Variants in SLC22A13 observed in about 807,000 individuals in gnomAD.
SLC22A13 encodes organic anion transporter 10.
In SLC22A13, 42 loss-of-function variants were observed where a neutral mutation model predicts 49.1. The observed-to-expected ratio is 0.85, with a 90% confidence interval of 0.67 to 1.11. SLC22A13 has a LOEUF of 1.11. SLC22A13 is among the 50% of genes least tolerant of loss of function. The probability of loss-of-function intolerance (pLI) is 0.00; values close to 1 mark genes in which losing one functional copy is unlikely to be tolerated. For synonymous variants in SLC22A13, 282 were observed against 293.1 expected (o/e 0.96, Z 0.39); for missense variants, 694 against 712.8 (o/e 0.97, Z 0.30).
chr3:38,270,007 A>G (rs545038457), intron 1 of SLC22A13, among the ~76,000 whole-genome samples: 18 of 151,962 alleles, frequency 1.2e-4, no homozygotes, highest in South Asian at 4.2e-4. Flanking sequence ...TGAGAATGAT[A>G]ATTTCCAATT....
At chr3:38,266,905 C>A (rs1403673391) in intron 1 of SLC22A13, among the ~76,000 whole-genome samples, 1 of 152,168 alleles carries the variant, frequency 6.6e-6, no homozygotes, top group Non-Finnish European at 1.5e-5. Context: ...GCATCCAGTC[C>A]CACTCTGTTG....
Position 38,265,972 on chromosome 3 carries a change from G to T in SLC22A13, c.112G>T (p.Ala38Ser), listed in dbSNP as rs758859366. The T allele has an allele frequency of 6.2e-7, 1 of 1,613,826 alleles. No individual in the cohort carries two copies. The highest frequency in any genetic ancestry group is 1.7e-5 in the Admixed American group (1 of 59,982). Residue 38 changes from alanine (A) to serine (S), a missense_variant, in exon 1 of 10, where the codon GCC (alanine) becomes TCC (serine). Physicochemically the swap from Ala to Ser is moderately conservative, Grantham distance 99. Coordinates refer to ENST00000311856, the MANE Select transcript of SLC22A13 (RefSeq NM_004256.4). ...LNFLSPFYFF[A>S]HVFMVLDEPH... ...CTTCCTGTCTCCCTTCTACTTTTTTGCCCATGTCTTCATGGTCCTAGATGA... is the reference window on the plus strand; with the variant it reads ...CTTCCTGTCTCCCTTCTACTTTTTTTCCCATGTCTTCATGGTCCTAGATGA...
chr3:38,274,195 G>T (rs1703550031), intron 1 of SLC22A13, 77 bp from the exon 2 acceptor site: 1 of 1,083,440 alleles, frequency 9.2e-7, no homozygotes, highest in Non-Finnish European at 1.4e-6. Context: ...GCCCTGAAGG[G>T]TTTGTAGTGG....
At chr3:38,275,303 A>G in intron 4 of SLC22A13, 67 bp from the exon 5 acceptor site, 6 of 1,606,006 alleles carry the variant, frequency 3.7e-6, no homozygotes, top group South Asian at 1.1e-5. Flanking sequence ...TTCAGTTTGC[A>G]CTGGAACAAG....
chr3:38,276,883 CT>C (rs748331325), intron 8 of SLC22A13, 28 bp from the exon 9 acceptor site: 148 of 1,600,310 alleles, frequency 9.2e-5, no homozygotes, highest in Non-Finnish European at 1.2e-4. Context: ...GGGCCCAGGT[CT>C]ACTTAGCTTG....
rs528880884 is a variant in SLC22A13 at position 38,275,934 on chromosome 3, G to A, written c.1075G>A (p.Gly359Ser). Residue 359 changes from glycine (G) to serine (S), a missense_variant, in exon 7 of 10, where the codon GGC (glycine) becomes AGC (serine). Physicochemically the swap from Gly to Ser is moderately conservative, Grantham distance 56 (BLOSUM62 0). Coordinates refer to ENST00000311856, the MANE Select transcript of SLC22A13 (RefSeq NM_004256.4). ...YGLSLQVGDF[G>S]LDVYLTQLIF... Reference sequence around the variant, plus strand: ...CCTGAGCCTCCAAGTGGGGGACTTCGGCCTGGACGTCTATCTGACGCAGCT... The same window carrying A: ...CCTGAGCCTCCAAGTGGGGGACTTCAGCCTGGACGTCTATCTGACGCAGCT... 1.6e-5 allele frequency: 26 copies of A among 1,614,204 alleles called. No homozygotes were observed. Among genetic ancestry groups the A allele is most frequent in the Middle Eastern group, 1.7e-4 (1 of 6,060 alleles).
In SLC22A13 at chr3:38,277,725, T is replaced by C. The variant is rs1703604181; in HGVS notation, c.*260T>C. On this transcript the variant is annotated 3_prime_UTR_variant, in exon 10 of 10. Transcript: ENST00000311856. ...CCAATACTCTGTCTGGGTTAGGATCTTGGGTATGTCTTGGAATTAACTTGT... is the reference window on the plus strand; with the variant it reads ...CCAATACTCTGTCTGGGTTAGGATCCTGGGTATGTCTTGGAATTAACTTGT... 5.4e-6 allele frequency: 2 copies of C among 369,456 alleles called. No homozygotes were observed. Among genetic ancestry groups the C allele is most frequent in the Non-Finnish European group, 4.9e-6 (1 of 202,822 alleles). 22.9% of individuals were successfully genotyped at this position (369,456 alleles called of 1,614,324 possible).
At chr3:38,273,269 A>G (rs553319327) in intron 1 of SLC22A13, among the ~76,000 whole-genome samples, 1 of 152,160 alleles carries the variant, frequency 6.6e-6, no homozygotes, top group South Asian at 2.1e-4. Flanking sequence ...ATGGACCCAA[A>G]TATCTTCTCC....
In SLC22A13 at chr3:38,274,912, C is replaced by T. The variant is rs1304563589; in HGVS notation, c.638-77C>T. ...CCTGTGTTGGCACTGAGGCCCAGCC[C>T]CCACAGGGTGGCATCTAGGAGTAAT... On this transcript the variant is annotated intron_variant, in intron 3 of 9. Transcript: ENST00000311856. The T allele has an allele frequency of 2.5e-6, 4 of 1,577,038 alleles. No homozygotes were observed. In the African/African-American group the frequency reaches 4.0e-5, roughly 16 times the overall value.
At chr3:38,267,846 A>G (rs1703479625) in intron 1 of SLC22A13, among the ~76,000 whole-genome samples, 1 of 152,258 alleles carries the variant, frequency 6.6e-6, no homozygotes, top group South Asian at 2.1e-4. Context: ...AAATGTTGCT[A>G]GAGAAGAGGG....
chr3:38,274,743 A>T lies in SLC22A13; in HGVS notation c.622A>T (p.Ser208Cys), dbSNP rs1263804508. Reference protein sequence around the residue: ...VATAVAGLSFSNVTLLTEWVG... With the variant: ...VATAVAGLSFCNVTLLTEWVG... ...TACTGCCGTCGCTGGACTTAGCTTC[A>T]GCAATGTCACCCTACGTGAGTGTCT... The change falls in exon 3 of 10, where the codon AGC becomes TGC. Residue 208 changes from serine (S) to cysteine (C), a missense_variant. Ser to Cys is a moderately radical substitution (Grantham distance 112). Transcript: ENST00000311856. The T allele has an allele frequency of 3.7e-6, 6 of 1,613,960 alleles. No individual in the cohort carries two copies. Among genetic ancestry groups the T allele is most frequent in the Non-Finnish European group, 4.2e-6 (5 of 1,179,920 alleles).
intron 6 of SLC22A13, 49 bp from the exon 7 acceptor site, chr3:38,275,833 G>T: frequency 1.3e-6 from 2 of 1,568,012 alleles, no homozygotes; most frequent in Non-Finnish European, 1.8e-6. Flanking sequence ...CTCCCTCTGG[G>T]TGGTGTCTCG....
chr3:38,266,034 C>T lies in SLC22A13; in HGVS notation c.174C>T (p.His58=). 1.9e-6 allele frequency: 3 copies of T among 1,614,202 alleles called. No individual in the cohort carries two copies. Among genetic ancestry groups the T allele is most frequent in the Non-Finnish European group, 2.5e-6 (3 of 1,180,046 alleles). The part of the protein sequence containing the change: ...HHCAVAWVKN[H]TFNLSAAEQL... ...GTGCAGTGGCTTGGGTGAAGAACCA[C>T]ACTTTCAACCTGAGTGCTGCTGAAC... The change falls in exon 1 of 10, where the codon CAC becomes CAT. Residue 58 remains histidine, a synonymous_variant. Transcript: ENST00000311856.
chr3:38,276,360 T>C lies in SLC22A13; in HGVS notation c.1311T>C (p.Tyr437=). ...CAGCTGCTGCCTTTACCATCTCCTATGTGTACTCTGCCGAGCTTTTCCCCA... is the reference window on the plus strand; with the variant it reads ...CAGCTGCTGCCTTTACCATCTCCTACGTGTACTCTGCCGAGCTTTTCCCCA... ...MATAAAFTIS[Y]VYSAELFPTI... The change falls in exon 8 of 10, where the codon TAT becomes TAC. Residue 437 remains tyrosine (Y), a synonymous_variant. Coordinates refer to ENST00000311856, the MANE Select transcript of SLC22A13 (RefSeq NM_004256.4). 1 of 1,613,610 alleles carries C rather than the reference T, an allele frequency of 6.2e-7. No individual in the cohort carries two copies. The highest frequency in any genetic ancestry group is 8.5e-7 in the Non-Finnish European group (1 of 1,179,730).
In SLC22A13 at chr3:38,275,122, C is replaced by T. The variant is rs747220793; in HGVS notation, c.771C>T (p.Gly257=). The T allele has an allele frequency of 6.2e-7, 1 of 1,614,246 alleles. No homozygotes were observed. The highest frequency in any genetic ancestry group is 1.7e-5 in the Admixed American group (1 of 60,034). The change falls in exon 4 of 10, where the codon GGC becomes GGT. Residue 257 remains glycine, a synonymous_variant. Transcript: ENST00000311856. ...FRNWRLLQIT[G]TAPGLLLFFY... ...ACTGGAGGCTCCTTCAGATCACCGG[C>T]ACTGCGCCTGGCTTACTGCTCTTCT...
In SLC22A13 at chr3:38,276,039, T is replaced by C. The variant is rs771447389; in HGVS notation, c.1180T>C (p.Leu394=). 3.7e-6 allele frequency: 6 copies of C among 1,613,996 alleles called. No individual in the cohort carries two copies. The highest frequency in any genetic ancestry group is 1.3e-5 in the African/African-American group (1 of 74,924). Residue 394 remains leucine (L), a synonymous_variant, in exon 7 of 10, where the codon TTG becomes CTG. Transcript: ENST00000311856. ...MQRFGRKWSQ[L]GTLVLGGLMC... ...GAGGTTTGGCCGCAAGTGGAGCCAG[T>C]TGGGGACCTTGGTCTTGGGTGGCCT...
In SLC22A13 at chr3:38,276,303, C is replaced by A; in HGVS notation, c.1254C>A (p.Val418=). 4.3e-6 allele frequency: 7 copies of A among 1,613,068 alleles called. No homozygotes were observed. Among genetic ancestry groups the A allele is most frequent in the Non-Finnish European group, 5.9e-6 (7 of 1,179,440 alleles). Residue 418 remains valine, a synonymous_variant, in exon 8 of 10, where the codon GTC becomes GTA. Transcript: ENST00000311856. The part of the protein sequence containing the change: ...IFIPADLPVV[V]TMLAVVGKMA... ...CTCTGCCAGATCTGCCCGTGGTGGT[C>A]ACCATGCTGGCTGTGGTGGGGAAGA... is the stretch of plus-strand genomic sequence containing the variant.
At chr3:38,269,731 T>C (rs1703500051) in intron 1 of SLC22A13, among the ~76,000 whole-genome samples, 1 of 152,044 alleles carries the variant, frequency 6.6e-6, no homozygotes, top group Non-Finnish European at 1.5e-5. Context: ...TTATTATTAT[T>C]ATACTTTAAG....
chr3:38,276,876 C>T (rs1346860492), intron 8 of SLC22A13, 36 bp from the exon 9 acceptor site: 1 of 1,578,600 alleles, frequency 6.3e-7, no homozygotes, highest in South Asian at 1.1e-5. Context: ...CAGAGTTGGG[C>T]CCAGGTCTAC....
Sources: gnomAD v4.1 joint callset for allele counts (sites outside exome capture counted in the v4.1 genomes callset) on GRCh38, gnomAD v4.1.1 for gene constraint, MANE v1.5 for transcripts, NCBI Gene and HGNC (gene_info 2026-07-23, HGNC 2026-07-21) for gene names.